SYNDIG1L: variants seen among roughly 807,000 people sequenced by gnomAD.
SYNDIG1L encodes the protein synapse differentiation-inducing gene protein 1-like.
Under a neutral mutation model 20.1 loss-of-function variants are expected in SYNDIG1L, and 13 were observed. That is an observed-to-expected ratio of 0.65 (90% CI 0.42 to 1.03). SYNDIG1L has a LOEUF of 1.03. Ranked by LOEUF, SYNDIG1L falls within the 50% of genes least tolerant of loss-of-function variation. SYNDIG1L has a pLI of 0.00. For missense variants in SYNDIG1L, 294 were observed against 305.1 expected, an observed-to-expected ratio of 0.96 and a Z score of 0.27; for synonymous variants, 128 against 129.3, an observed-to-expected ratio of 0.99 and a Z score of 0.07.
chr14:74,407,193 A>G lies in SYNDIG1L; in HGVS notation c.*342T>C, dbSNP rs1420004022. 3.2e-6 allele frequency: 1 copy of G among 315,554 alleles called. No homozygotes were observed. The highest frequency in any genetic ancestry group is 5.9e-6 in the Non-Finnish European group (1 of 169,328). 19.5% of individuals were successfully genotyped at this position (315,554 alleles called of 1,614,324 possible). A position where few individuals can be genotyped will look rare whatever the true frequency, so the allele number is the denominator to read the frequency against. On this transcript the variant is annotated 3_prime_UTR_variant, in exon 4 of 4. Transcript: ENST00000331628. ...TTCTCTGTGGGGAGGTTGGCAGGGT[A>G]GGTGGTGGGCTGGCTGTAGGGCAGG...
chr14:74,421,355 A>G (rs2086220077), intron 1 of SYNDIG1L, among the ~76,000 whole-genome samples: 2 of 152,206 alleles, frequency 1.3e-5, no homozygotes, highest in Admixed American at 1.3e-4. Context: ...GAGCAAAAAG[A>G]CAGAAACATG....
chr14:74,420,066 T>C (rs935603739), intron 1 of SYNDIG1L, among the ~76,000 whole-genome samples: 3 of 151,980 alleles, frequency 2.0e-5, no homozygotes, highest in Admixed American at 1.3e-4. Context: ...TGGGTGAGAA[T>C]GGAGGCTAGG....
chr14:74,459,221 C>T, the SYNDIG1L span, among the ~76,000 whole-genome samples: 1 of 151,960 alleles, frequency 6.6e-6, no homozygotes, highest in African/African-American at 2.4e-5. Flanking sequence ...GACAGGGATG[C>T]ATAAAAACAG....
At chr14:74,444,163 A>G in the SYNDIG1L span, among the ~76,000 whole-genome samples, 86,582 of 151,720 alleles carry the variant, frequency 0.57, 25,724 homozygotes, top group African/African-American at 0.75. Flanking sequence ...TGCCTCCCGG[A>G]TTCAAGAGGC....
chr14:74,443,287 G>A, the SYNDIG1L span, among the ~76,000 whole-genome samples: 1 of 152,204 alleles, frequency 6.6e-6, no homozygotes, highest in Non-Finnish European at 1.5e-5. Flanking sequence ...AGCAATTCGT[G>A]AAAGAGGGAG....
chr14:74,410,446 G>T (rs1177948370), intron 1 of SYNDIG1L, among the ~76,000 whole-genome samples: 2 of 152,194 alleles, frequency 1.3e-5, no homozygotes, highest in African/African-American at 4.8e-5. Flanking sequence ...GCCAGACCGT[G>T]CAGCCTTGCT....
chr14:74,434,475 A>G, the SYNDIG1L span, among the ~76,000 whole-genome samples: 1 of 152,120 alleles, frequency 6.6e-6, no homozygotes, highest in Non-Finnish European at 1.5e-5. Flanking sequence ...GAAGGCAAAT[A>G]AAAAGCAGTG....
chr14:74,409,849 G>A, intron 1 of SYNDIG1L, 48 bp from the exon 2 acceptor site: 2 of 1,299,404 alleles, frequency 1.5e-6, no homozygotes, highest in Non-Finnish European at 2.0e-6. Flanking sequence ...GGCACTGGAG[G>A]CAGGACCTAA....
the SYNDIG1L span, among the ~76,000 whole-genome samples, chr14:74,439,624 T>A: frequency 6.6e-6 from 1 of 152,334 alleles, no homozygotes; most frequent in South Asian, 2.1e-4. Context: ...CTCATGCCTA[T>A]AATCCCAGCA....
chr14:74,478,442 C>T, the SYNDIG1L span, among the ~76,000 whole-genome samples: 1 of 152,288 alleles, frequency 6.6e-6, no homozygotes, highest in South Asian at 2.1e-4. Context: ...TAGTTTAACA[C>T]TCAAACTAGT....
At chr14:74,451,849 G>T in the SYNDIG1L span, among the ~76,000 whole-genome samples, 3 of 151,942 alleles carry the variant, frequency 2.0e-5, no homozygotes, top group African/African-American at 4.8e-5. Flanking sequence ...AATTAGCTGG[G>T]TGTGGTGGCA....
the SYNDIG1L span, among the ~76,000 whole-genome samples, chr14:74,447,472 AG>A: frequency 1.3e-5 from 2 of 152,118 alleles, no homozygotes; most frequent in African/African-American, 4.8e-5. Context: ...CTGTAATCCC[AG>A]CTACTTGAGA....
the SYNDIG1L span, among the ~76,000 whole-genome samples, chr14:74,467,190 C>T: frequency 6.6e-6 from 1 of 152,144 alleles, no homozygotes; most frequent in Admixed American, 6.5e-5. Context: ...TGGTCTTAAA[C>T]TCCTTGGCTC....
chr14:74,409,786 G>A lies in SYNDIG1L; in HGVS notation c.-42C>T. 5 of 1,414,592 alleles carry A rather than the reference G, an allele frequency of 3.5e-6. No individual in the cohort carries two copies. Among genetic ancestry groups the A allele is most frequent in the Non-Finnish European group, 3.7e-6 (4 of 1,080,596 alleles). 87.6% of individuals were successfully genotyped at this position (1,414,592 alleles called of 1,614,324 possible). On this transcript the variant is annotated 5_prime_UTR_variant, in exon 2 of 4. Coordinates refer to ENST00000331628, the MANE Select transcript of SYNDIG1L (RefSeq NM_001105579.2). ...CTGGGGAGGGGGGCCTGGGCCAGCTGAGCAGTCCTCAGAGCCTGTCAGAAG... is the reference window on the plus strand; with the variant it reads ...CTGGGGAGGGGGGCCTGGGCCAGCTAAGCAGTCCTCAGAGCCTGTCAGAAG...
chr14:74,415,820 T>C (rs952757574), intron 1 of SYNDIG1L, among the ~76,000 whole-genome samples: 5 of 152,004 alleles, frequency 3.3e-5, no homozygotes, highest in Non-Finnish European at 7.4e-5. Flanking sequence ...TCCAAAAGGA[T>C]AGTGCTATCA....
At chr14:74,447,829 T>C in the SYNDIG1L span, among the ~76,000 whole-genome samples, 3 of 152,164 alleles carry the variant, frequency 2.0e-5, no homozygotes, top group East Asian at 5.8e-4. Context: ...GTATAACATA[T>C]ATACACATAC....
chr14:74,411,442 A>C (rs994921067), intron 1 of SYNDIG1L, among the ~76,000 whole-genome samples: 2 of 152,142 alleles, frequency 1.3e-5, no homozygotes, highest in Non-Finnish European at 2.9e-5. Context: ...AAGTGCAGGG[A>C]GATCCTTCTG....
At chr14:74,420,466 AAG>A (rs890241285) in intron 1 of SYNDIG1L, among the ~76,000 whole-genome samples, 9 of 151,310 alleles carry the variant, frequency 5.9e-5, no homozygotes, top group Admixed American at 3.3e-4. Context: ...GAAAAGGAGG[AAG>A]AGTCAGATCT....
chr14:74,453,381 AAAAAAAAAAAG>A, the SYNDIG1L span, among the ~76,000 whole-genome samples: 4 of 62,912 alleles, frequency 6.4e-5, no homozygotes, highest in African/African-American at 1.6e-4. Context: ...AAAAAAAAAA[AAAAAAAAAAAG>A]AAGAAGAAGA....
Sources: gnomAD v4.1 joint callset for allele counts (sites outside exome capture counted in the v4.1 genomes callset) on GRCh38, gnomAD v4.1.1 for gene constraint, MANE v1.5 for transcripts, NCBI Gene and HGNC (gene_info 2026-07-23, HGNC 2026-07-21) for gene names.